PTPRD: variants seen among roughly 807,000 people sequenced by gnomAD.
The protein encoded by PTPRD is receptor-type tyrosine-protein phosphatase delta.
A neutral mutation model predicts 214.5 loss-of-function variants in PTPRD; 34 were observed. That is an observed-to-expected ratio of 0.16 (90% CI 0.12 to 0.21). The LOEUF is 0.21. PTPRD is among the 10% of genes least tolerant of loss of function. PTPRD has a pLI of 1.00. For synonymous variants in PTPRD, 1,128 were observed against 845.7 expected, an observed-to-expected ratio of 1.33 and a Z score of -5.79; for missense variants, 2,545 against 2,398.7, an observed-to-expected ratio of 1.06 and a Z score of -1.27.
intron 2 of PTPRD, among the ~76,000 whole-genome samples, chr9:10,606,121 T>G (rs1238869271): frequency 6.6e-6 from 1 of 151,788 alleles, no homozygotes; most frequent in Non-Finnish European, 1.5e-5. Flanking sequence ...TCCTTCTCAA[T>G]GGTTCCAGAT....
chr9:10,162,071 GA>G (rs2099130531), intron 3 of PTPRD, among the ~76,000 whole-genome samples: 1 of 151,546 alleles, frequency 6.6e-6, no homozygotes, highest in Non-Finnish European at 1.5e-5. Context: ...GGAGAAAGGG[GA>G]ACCCTTGCAC....
At chr9:9,877,286 A>T (rs1266524998) in intron 5 of PTPRD, among the ~76,000 whole-genome samples, 2 of 152,206 alleles carry the variant, frequency 1.3e-5, no homozygotes, top group Non-Finnish European at 2.9e-5. Context: ...CTTGGGACAA[A>T]ATAAATAAAT....
intron 7 of PTPRD, among the ~76,000 whole-genome samples, chr9:9,599,584 A>G (rs141490618): frequency 6.6e-6 from 1 of 151,888 alleles, no homozygotes. Flanking sequence ...GTTTTCATAT[A>G]TTTATCTTTA....
chr9:8,556,536 T>C (rs927297804), intron 14 of PTPRD, among the ~76,000 whole-genome samples: 3 of 147,922 alleles, frequency 2.0e-5, no homozygotes, highest in African/African-American at 8.0e-5. Context: ...TACATCTGCA[T>C]GTACACATAC....
At chr9:10,173,115 G>A (rs887485136) in intron 3 of PTPRD, among the ~76,000 whole-genome samples, 4 of 152,074 alleles carry the variant, frequency 2.6e-5, no homozygotes, top group Admixed American at 6.6e-5. Context: ...TAACATTAGC[G>A]TATGATTACA....
chr9:8,677,332 C>A (rs1466117831), intron 12 of PTPRD, among the ~76,000 whole-genome samples: 1 of 152,134 alleles, frequency 6.6e-6, no homozygotes, highest in Non-Finnish European at 1.5e-5. Flanking sequence ...GGAAATACTA[C>A]CCAGCTATGA....
At chr9:9,289,417 A>G (rs1211221286) in intron 9 of PTPRD, among the ~76,000 whole-genome samples, 2 of 151,878 alleles carry the variant, frequency 1.3e-5, no homozygotes, top group Non-Finnish European at 2.9e-5. Flanking sequence ...ATACTTAGAC[A>G]TTCTGTCATG....
Position 8,701,585 on chromosome 9 carries a change from T to C in PTPRD, c.64+32195A>G, listed in dbSNP as rs550793706. 569 of 152,676 alleles carry C rather than the reference T, an allele frequency of 3.7e-3. 1 individual carries two copies. The highest frequency in any genetic ancestry group is 7.5e-3 in the South Asian group (36 of 4,828). 9.5% of individuals were successfully genotyped at this position (152,676 alleles called of 1,614,324 possible). A position where few individuals can be genotyped will look rare whatever the true frequency, so the allele number is the denominator to read the frequency against. ...CTGGGAGGCGGAGGTTGCAGTGAGC[T>C]GAGATCGCGCCATTGCACTCCAGCC... On this transcript the variant is annotated intron_variant, in intron 12 of 45. Transcript: ENST00000381196.
intron 2 of PTPRD, among the ~76,000 whole-genome samples, 160 bp downstream of exon 2, chr9:10,612,238 A>AGCGAACC (rs1347076433): frequency 3.3e-5 from 5 of 150,164 alleles, no homozygotes; most frequent in Non-Finnish European, 5.9e-5. Flanking sequence ...AAAAATGCTT[A>AGCGAACC]GCGAACCACT....
chr9:9,448,246 C>T (rs114217122), intron 8 of PTPRD, among the ~76,000 whole-genome samples: 2,006 of 152,070 alleles, frequency 0.013, 31 homozygotes, highest in African/African-American at 0.046. Context: ...CACTCTGATA[C>T]GGTTTGGCTA....
At chr9:8,487,569 G>A (rs960273088) in intron 27 of PTPRD, among the ~76,000 whole-genome samples, 1 of 152,110 alleles carries the variant, frequency 6.6e-6, no homozygotes, top group East Asian at 1.9e-4. Flanking sequence ...AGTAATCCCA[G>A]CACTTTGGGA....
intron 6 of PTPRD, among the ~76,000 whole-genome samples, chr9:9,765,094 T>G (rs2154478478): frequency 6.6e-6 from 1 of 152,310 alleles, no homozygotes; most frequent in African/African-American, 2.4e-5. Flanking sequence ...TGGCTTATTT[T>G]CTTTGGATAT....
chr9:9,686,489 T>C (rs2097169567), intron 7 of PTPRD, among the ~76,000 whole-genome samples: 1 of 151,390 alleles, frequency 6.6e-6, no homozygotes, highest in East Asian at 1.9e-4. Flanking sequence ...TATAGATCAT[T>C]ATTCTATGTA....
chr9:10,540,252 T>C (rs1785369972), intron 2 of PTPRD, among the ~76,000 whole-genome samples: 1 of 152,150 alleles, frequency 6.6e-6, no homozygotes, highest in Admixed American at 6.6e-5. Context: ...GGTCTCAAAC[T>C]CCTGACCTAA....
At chr9:10,181,069 C>G (rs1231734917) in intron 3 of PTPRD, among the ~76,000 whole-genome samples, 1 of 151,786 alleles carries the variant, frequency 6.6e-6, no homozygotes, top group Non-Finnish European at 1.5e-5. Flanking sequence ...TGCTGTAAGT[C>G]AAGAAAAACA....
intron 4 of PTPRD, among the ~76,000 whole-genome samples, chr9:9,978,420 G>A (rs1246494479): frequency 3.9e-5 from 6 of 152,054 alleles, no homozygotes; most frequent in South Asian, 4.1e-4. Flanking sequence ...GAAGAATTCC[G>A]TCAATGGATA....
intron 14 of PTPRD, among the ~76,000 whole-genome samples, chr9:8,585,254 T>G (rs1170890971): frequency 6.6e-6 from 1 of 151,878 alleles, no homozygotes; most frequent in Non-Finnish European, 1.5e-5. Context: ...AGGGGAAGAG[T>G]AGACAGATGC....
At chr9:9,305,351 T>G (rs2135134047) in intron 9 of PTPRD, among the ~76,000 whole-genome samples, 1 of 152,190 alleles carries the variant, frequency 6.6e-6, no homozygotes, top group Non-Finnish European at 1.5e-5. Context: ...CAGAAGACAG[T>G]AAAATTCAAT....
At chr9:10,136,169 T>A (rs2098941805) in intron 3 of PTPRD, among the ~76,000 whole-genome samples, 1 of 151,798 alleles carries the variant, frequency 6.6e-6, no homozygotes, top group South Asian at 2.1e-4. Context: ...AATATTCAAT[T>A]CAACAAGAAC....
Sources: gnomAD v4.1 joint callset for allele counts (sites outside exome capture counted in the v4.1 genomes callset) on GRCh38, gnomAD v4.1.1 for gene constraint, MANE v1.5 for transcripts, NCBI Gene and HGNC (gene_info 2026-07-23, HGNC 2026-07-21) for gene names.